The following PALLD variants were observed in gnomAD, a reference collection of about 807,000 sequenced individuals.
PALLD encodes palladin, cytoskeletal associated protein, also known as palladin.
A neutral mutation model predicts 123.5 loss-of-function variants in PALLD; 61 were observed. That is an observed-to-expected ratio of 0.49 (90% CI 0.40 to 0.61). The LOEUF (loss-of-function observed/expected upper bound fraction) is 0.61, where lower values mean the gene tolerates loss of function less well. Among genes scored for constraint, PALLD ranks in the 20% least tolerant of loss-of-function variants. PALLD has a pLI of 0.00. For missense variants in PALLD, 1,273 were observed against 1,377.0 expected, an observed-to-expected ratio of 0.92 and a Z score of 1.20; for synonymous variants, 465 against 496.4, an observed-to-expected ratio of 0.94 and a Z score of 0.84.
intron 8 of PALLD, among the ~76,000 whole-genome samples, chr4:168,707,437 G>A (rs766961964): frequency 3.3e-5 from 5 of 152,206 alleles, no homozygotes; most frequent in Non-Finnish European, 4.4e-5. Flanking sequence ...AGTCTAGGAT[G>A]GTCTCTTTTG....
intron 2 of PALLD, among the ~76,000 whole-genome samples, chr4:168,540,401 T>C (rs1329669955): frequency 5.3e-5 from 8 of 152,200 alleles, no homozygotes. Flanking sequence ...CTTCTTTCTG[T>C]TTCCGAAACA....
At chr4:168,887,680 T>C (rs1753557022) in intron 10 of PALLD, among the ~76,000 whole-genome samples, 1 of 152,242 alleles carries the variant, frequency 6.6e-6, no homozygotes. Context: ...AAAACCTAGC[T>C]CTTCTAGTTC....
At chr4:168,709,264 C>A (rs1233333989) in intron 9 of PALLD, 117 bp downstream of exon 9, 35 of 1,045,376 alleles carry the variant, frequency 3.3e-5, no homozygotes, top group Non-Finnish European at 5.1e-5. Flanking sequence ...AATCCCAGCA[C>A]TTTGGGAGGC....
At chr4:168,516,852 T>C (rs992895003) in intron 2 of PALLD, among the ~76,000 whole-genome samples, 1 of 152,352 alleles carries the variant, frequency 6.6e-6, no homozygotes, top group East Asian at 1.9e-4. Flanking sequence ...TCTTTCTCTA[T>C]GGAAAAAGAA....
At chr4:168,579,968 C>T (rs1030571522) in intron 2 of PALLD, among the ~76,000 whole-genome samples, 7 of 151,980 alleles carry the variant, frequency 4.6e-5, no homozygotes, top group Non-Finnish European at 1.0e-4. Flanking sequence ...ACCATATTGT[C>T]CATTAAACCT....
chr4:168,601,176 G>A (rs1772607320), intron 2 of PALLD, among the ~76,000 whole-genome samples: 1 of 151,950 alleles, frequency 6.6e-6, no homozygotes, highest in Non-Finnish European at 1.5e-5. Flanking sequence ...TGTTAATTCA[G>A]TAAAAAAATC....
chr4:168,919,418 A>T (rs759370288), intron 17 of PALLD, among the ~76,000 whole-genome samples: 6 of 151,900 alleles, frequency 3.9e-5, no homozygotes, highest in Non-Finnish European at 8.8e-5. Flanking sequence ...CCAGCTACTC[A>T]GGAGGCTGAG....
chr4:168,885,814 C>A (rs572808312), intron 10 of PALLD, among the ~76,000 whole-genome samples: 1 of 152,202 alleles, frequency 6.6e-6, no homozygotes, highest in African/African-American at 2.4e-5. Flanking sequence ...TTGTGATGCT[C>A]ATTCCAACTA....
rs961875963 is a variant in PALLD at position 168,926,610 on chromosome 4, T to C, written c.*430T>C. ...CAGAAAATACACATTTACTGTCCAA[T>C]TTAAAACTTTGGAATTGCTGTGATT... On this transcript the variant is annotated 3_prime_UTR_variant, in exon 22 of 22. Transcript: ENST00000505667. 11 of 446,520 alleles carry C rather than the reference T, an allele frequency of 2.5e-5. No individual in the cohort carries two copies. Among genetic ancestry groups the C allele is most frequent in the Non-Finnish European group, 4.4e-5 (11 of 251,270 alleles). The allele number at this position is 446,520 out of a possible 1,614,324, so 27.7% of individuals were successfully genotyped here.
At chr4:168,779,101 A>G (rs1030403845) in intron 10 of PALLD, among the ~76,000 whole-genome samples, 3 of 152,242 alleles carry the variant, frequency 2.0e-5, no homozygotes, top group African/African-American at 7.2e-5. Context: ...GATCTAAGAC[A>G]GTTAACTAGA....
intron 10 of PALLD, among the ~76,000 whole-genome samples, chr4:168,816,577 G>GT (rs527574517): frequency 3.5e-4 from 53 of 151,348 alleles, no homozygotes; most frequent in East Asian, 5.8e-4. Flanking sequence ...TTGTTTTTGG[G>GT]TTTTTTTTGG....
At chr4:168,906,489 A>C (rs1757823789) in intron 15 of PALLD, among the ~76,000 whole-genome samples, 1 of 152,176 alleles carries the variant, frequency 6.6e-6, no homozygotes, top group African/African-American at 2.4e-5. Context: ...CTCTTGACAA[A>C]TTATTATGAA....
intron 10 of PALLD, among the ~76,000 whole-genome samples, chr4:168,800,133 T>C (rs1451544719): frequency 6.6e-6 from 1 of 152,214 alleles, no homozygotes; most frequent in African/African-American, 2.4e-5. Flanking sequence ...TTTTTATAAA[T>C]AATACTTGCT....
intron 4 of PALLD, 54 bp from the exon 5 acceptor site, chr4:168,682,944 A>G (rs1781697054): frequency 2.6e-6 from 3 of 1,148,642 alleles, no homozygotes; most frequent in East Asian, 4.8e-5. Context: ...AAAAAAAACA[A>G]AAAAACGAAA....
intron 10 of PALLD, among the ~76,000 whole-genome samples, chr4:168,794,540 C>A (rs1387345505): frequency 1.6e-5 from 2 of 121,334 alleles, no homozygotes; most frequent in African/African-American, 3.2e-5. Flanking sequence ...ACACACACAC[C>A]CCTCTGGCTG....
chr4:168,679,228 G>A (rs1781243840), intron 3 of PALLD, among the ~76,000 whole-genome samples: 1 of 109,900 alleles, frequency 9.1e-6, no homozygotes, highest in African/African-American at 3.6e-5. Flanking sequence ...GTGTGTGTGT[G>A]TGGTGTGTGT....
At chr4:168,564,379 A>G (rs1283376787) in intron 2 of PALLD, among the ~76,000 whole-genome samples, 1 of 152,242 alleles carries the variant, frequency 6.6e-6, no homozygotes, top group Non-Finnish European at 1.5e-5. Context: ...TTCTATAAAC[A>G]TATAACTGCA....
At chr4:168,897,553 C>A (rs1163226652) in intron 13 of PALLD, among the ~76,000 whole-genome samples, 2 of 152,016 alleles carry the variant, frequency 1.3e-5, no homozygotes, top group Non-Finnish European at 2.9e-5. Flanking sequence ...CTCAAGTGAT[C>A]CTCCCACCTC....
intron 10 of PALLD, among the ~76,000 whole-genome samples, chr4:168,794,433 GCA>G (rs753211439): frequency 6.7e-5 from 9 of 134,784 alleles, no homozygotes; most frequent in Non-Finnish European, 1.3e-4. Context: ...GCATGCGCGC[GCA>G]CACACATAGA....
Sources: gnomAD v4.1 joint callset for allele counts (sites outside exome capture counted in the v4.1 genomes callset) on GRCh38, gnomAD v4.1.1 for gene constraint, MANE v1.5 for transcripts, NCBI Gene and HGNC (gene_info 2026-07-23, HGNC 2026-07-21) for gene names.